The following TMEM135 variants were observed in gnomAD, a reference collection of about 807,000 sequenced individuals.
The protein encoded by TMEM135 is peroxisomal membrane protein 52.
TMEM135 carries 30 observed loss-of-function variants against 60.3 expected under a neutral mutation model. The ratio of observed to expected loss-of-function variants is 0.50; its 90% CI spans 0.37 to 0.68. TMEM135 has a LOEUF of 0.68. Among genes scored for constraint, TMEM135 ranks in the 30% least tolerant of loss-of-function variants. The pLI is 0.00. For missense variants in TMEM135, 468 were observed against 548.8 expected, an observed-to-expected ratio of 0.85 and a Z score of 1.47; for synonymous variants, 190 against 186.7, an observed-to-expected ratio of 1.02 and a Z score of -0.14.
At chr11:87,136,362 A>G (rs485773) in intron 4 of TMEM135, among the ~76,000 whole-genome samples, 106,364 of 151,864 alleles carry the variant, frequency 0.7, 37,654 homozygotes, top group East Asian at 0.91. Context: ...AATCCCATTC[A>G]GTGTATTATT....
intron 4 of TMEM135, chr11:87,095,975 CAAAA>C (rs34559693): frequency 1.8e-4 from 24 of 130,750 alleles, no homozygotes; most frequent in Middle Eastern, 2.3e-3. Context: ...GACTCCATCT[CAAAA>C]AAAAAAAAAA....
intron 5 of TMEM135, among the ~76,000 whole-genome samples, chr11:87,196,543 A>C (rs1198606832): frequency 6.6e-6 from 1 of 152,180 alleles, no homozygotes; most frequent in Non-Finnish European, 1.5e-5. Context: ...GATGCCTGGC[A>C]GTAGACTGTT....
chr11:87,189,733 A>C (rs78599320), intron 5 of TMEM135, among the ~76,000 whole-genome samples: 8,809 of 148,952 alleles, frequency 0.059, 368 homozygotes, highest in South Asian at 0.11. Context: ...GCCTGGGCTC[A>C]ACATAGTGAG....
At chr11:87,150,231 A>G (rs1004343444) in intron 4 of TMEM135, among the ~76,000 whole-genome samples, 6 of 151,324 alleles carry the variant, frequency 4.0e-5, no homozygotes, top group South Asian at 2.1e-4. Flanking sequence ...AAAAAAAAAA[A>G]AAAAGAAAAA....
intron 4 of TMEM135, chr11:87,094,955 T>C (rs1447447023): frequency 6.5e-6 from 1 of 154,668 alleles, no homozygotes; most frequent in Non-Finnish European, 1.4e-5. Flanking sequence ...ATATTACTTA[T>C]ATATTCTTGT....
At chr11:87,229,795 G>T (rs554996218) in intron 5 of TMEM135, among the ~76,000 whole-genome samples, 1 of 152,126 alleles carries the variant, frequency 6.6e-6, no homozygotes, top group South Asian at 2.1e-4. Flanking sequence ...ATGTACAAAG[G>T]TATGTACATA....
chr11:87,092,714 A>G (rs1229128763), intron 4 of TMEM135, among the ~76,000 whole-genome samples: 1 of 113,432 alleles, frequency 8.8e-6, no homozygotes, highest in Non-Finnish European at 1.8e-5. Context: ...ATATTTGTTG[A>G]ATTAATGACA....
intron 4 of TMEM135, among the ~76,000 whole-genome samples, chr11:87,143,045 T>C (rs1021159421): frequency 6.6e-6 from 1 of 152,078 alleles, no homozygotes; most frequent in Non-Finnish European, 1.5e-5. Flanking sequence ...AAATTTCTGG[T>C]ATCTATCTTC....
intron 3 of TMEM135, among the ~76,000 whole-genome samples, chr11:87,088,064 C>T (rs1379248136): frequency 6.6e-6 from 1 of 152,040 alleles, no homozygotes; most frequent in Non-Finnish European, 1.5e-5. Flanking sequence ...AAGCTGAGCC[C>T]AGCCATGGGT....
chr11:87,242,158 A>G (rs1941151062), intron 6 of TMEM135, among the ~76,000 whole-genome samples: 1 of 151,204 alleles, frequency 6.6e-6, no homozygotes, highest in Admixed American at 6.6e-5. Flanking sequence ...AATTTCATCC[A>G]TGTCCCTACA....
At chr11:87,198,653 C>G (rs905454040) in intron 5 of TMEM135, among the ~76,000 whole-genome samples, 1 of 150,650 alleles carries the variant, frequency 6.6e-6, no homozygotes, top group Non-Finnish European at 1.5e-5. Context: ...TCTCTTTTCC[C>G]TGTTTCCTCC....
Position 87,324,787 on chromosome 11 carries a change from G to C in TMEM135, c.*3454G>C. ...TGACACAGCAACAAAGTTGTCCTTT[G>C]TTTCCCAAAGGCAAAAGTATACATT... On this transcript the variant is annotated 3_prime_UTR_variant, in exon 15 of 15. Transcript: ENST00000305494. The C allele has an allele frequency of 2.2e-6, 1 of 453,750 alleles. No individual in the cohort carries two copies. Among genetic ancestry groups the C allele is most frequent in the South Asian group, 1.6e-5 (1 of 64,450 alleles). 28.1% of individuals were successfully genotyped at this position (453,750 alleles called of 1,614,324 possible).
intron 6 of TMEM135, among the ~76,000 whole-genome samples, chr11:87,279,229 A>C (rs1157736914): frequency 6.6e-6 from 1 of 152,008 alleles, no homozygotes; most frequent in East Asian, 1.9e-4. Flanking sequence ...TCTTTGGAGG[A>C]AGGCCTGTAG....
chr11:87,112,620 T>A (rs1460307175), intron 4 of TMEM135, among the ~76,000 whole-genome samples: 1 of 152,130 alleles, frequency 6.6e-6, no homozygotes, highest in African/African-American at 2.4e-5. Context: ...TATGTAAAAT[T>A]ATTATAATAC....
At chr11:87,055,097 A>G (rs1482233937) in intron 1 of TMEM135, among the ~76,000 whole-genome samples, 1 of 152,170 alleles carries the variant, frequency 6.6e-6, no homozygotes, top group Non-Finnish European at 1.5e-5. Flanking sequence ...TATTAAGAAG[A>G]CGTTCAGAAT....
chr11:87,069,147 G>A (rs1329084658), intron 2 of TMEM135, among the ~76,000 whole-genome samples: 3 of 151,678 alleles, frequency 2.0e-5, no homozygotes, highest in African/African-American at 7.3e-5. Context: ...TTAGCCGGGC[G>A]TGGTGGCATG....
chr11:87,267,817 C>A (rs1455220498), intron 6 of TMEM135, among the ~76,000 whole-genome samples: 1 of 152,040 alleles, frequency 6.6e-6, no homozygotes, highest in Middle Eastern at 3.4e-3. Flanking sequence ...CTCAGCCTTC[C>A]GAGTAGCTGG....
intron 6 of TMEM135, among the ~76,000 whole-genome samples, chr11:87,270,322 T>G (rs1941839595): frequency 1.3e-5 from 2 of 152,048 alleles, no homozygotes; most frequent in Admixed American, 6.6e-5. Flanking sequence ...GGTAGTTTCT[T>G]TTGGTGTGCA....
rs868166612 is a variant in TMEM135 at position 87,178,254 on chromosome 11, G to T, written c.462+20848G>T. ...CACCATGAGCAACCTCATCAGCATA[G>T]CAAAGACAGTACTGTCACCTTGAAA... is the stretch of plus-strand genomic sequence containing the variant. On this transcript the variant is annotated intron_variant, in intron 5 of 14. Coordinates refer to ENST00000305494, the MANE Select transcript of TMEM135 (RefSeq NM_022918.4). Among the ~76,000 whole-genome samples the T allele has an allele frequency of 8.5e-5, 13 of 152,186 alleles. No individual in the cohort carries two copies. The Middle Eastern group carries it at 0.01, about 119-fold the overall frequency.
Sources: allele counts gnomAD v4.1 joint callset (sites outside exome capture counted in the v4.1 genomes callset), GRCh38; gene constraint gnomAD v4.1.1; transcripts MANE v1.5; gene names NCBI Gene and HGNC (gene_info 2026-07-23, HGNC 2026-07-21).